CHCHD3: variants seen among roughly 807,000 people sequenced by gnomAD.
CHCHD3 encodes the protein MICOS complex subunit MIC19.
CHCHD3 carries 20 observed loss-of-function variants against 38.2 expected under a neutral mutation model. That is an observed-to-expected ratio of 0.52 (90% CI 0.37 to 0.76). CHCHD3 has a LOEUF of 0.76. Among genes scored for constraint, CHCHD3 ranks in the 30% least tolerant of loss-of-function variants. The probability of loss-of-function intolerance (pLI) is 0.00; values close to 1 mark genes in which losing one functional copy is unlikely to be tolerated. For missense variants in CHCHD3, 245 were observed against 279.2 expected (o/e 0.88, Z 0.87); for synonymous variants, 82 against 100.0 (o/e 0.82, Z 1.07).
At chr7:132,787,471 T>C (rs1462201441) in intron 7 of CHCHD3, among the ~76,000 whole-genome samples, 2 of 151,862 alleles carry the variant, frequency 1.3e-5, no homozygotes, top group Non-Finnish European at 1.5e-5. Context: ...AAGACAGTGA[T>C]GGGGCCACCA....
chr7:132,918,408 G>C (rs1198193292), intron 4 of CHCHD3, among the ~76,000 whole-genome samples: 4 of 152,180 alleles, frequency 2.6e-5, no homozygotes, highest in Non-Finnish European at 5.9e-5. Context: ...CCCTGGCACA[G>C]TGCGTGACAC....
chr7:132,868,664 A>C (rs1808690876), intron 5 of CHCHD3, among the ~76,000 whole-genome samples: 1 of 152,162 alleles, frequency 6.6e-6, no homozygotes, highest in South Asian at 2.1e-4. Context: ...TTCATTTCTA[A>C]AGAAAATTGA....
chr7:133,018,875 C>CCTTT (rs1813096955), intron 3 of CHCHD3, among the ~76,000 whole-genome samples: 1 of 70,150 alleles, frequency 1.4e-5, no homozygotes, highest in Admixed American at 2.4e-4. Context: ...CATGATTTCT[C>CCTTT]TTTTTTTTTT....
intron 4 of CHCHD3, among the ~76,000 whole-genome samples, chr7:132,968,454 T>C (rs1056927963): frequency 1.3e-5 from 2 of 152,198 alleles, no homozygotes; most frequent in African/African-American, 2.4e-5. Flanking sequence ...ATTTCAATAG[T>C]TGTCAAAAGC....
intron 4 of CHCHD3, among the ~76,000 whole-genome samples, chr7:132,943,796 A>T (rs1169384284): frequency 7.2e-5 from 11 of 152,148 alleles, no homozygotes; most frequent in Admixed American, 7.2e-4. Flanking sequence ...TGAGCAATTC[A>T]GGTTAGCCAC....
chr7:133,028,864 G>A (rs1192497921), intron 2 of CHCHD3, among the ~76,000 whole-genome samples: 3 of 147,590 alleles, frequency 2.0e-5, no homozygotes, highest in African/African-American at 5.0e-5. Flanking sequence ...CGGCCTGGGC[G>A]ACAGAGTAAG....
In CHCHD3 at chr7:133,024,537, A is replaced by C. The variant is rs1487663296; in HGVS notation, c.251+9T>G. ...CACCAAAACCTCTCTCTGATACCAC[A>C]AAACTCACCGTTTCTGATCTTCGGA... On this transcript the variant is annotated intron_variant, in intron 3 of 7. Transcript: ENST00000262570. 1 of 1,607,106 alleles carries C rather than the reference A, an allele frequency of 6.2e-7. No individual in the cohort carries two copies. The highest frequency in any genetic ancestry group is 8.5e-7 in the Non-Finnish European group (1 of 1,174,080).
chr7:132,890,429 C>A (rs925140159), intron 4 of CHCHD3, among the ~76,000 whole-genome samples: 17 of 152,160 alleles, frequency 1.1e-4, no homozygotes, highest in Non-Finnish European at 1.8e-4. Context: ...CACTTTTCGG[C>A]ATTACTACGC....
At chr7:132,969,471 A>G (rs1190595739) in intron 4 of CHCHD3, among the ~76,000 whole-genome samples, 1 of 152,182 alleles carries the variant, frequency 6.6e-6, no homozygotes, top group African/African-American at 2.4e-5. Flanking sequence ...ACCCTCCTCA[A>G]TGCTACACTG....
At chr7:133,073,397 C>T (rs1188482441) in intron 1 of CHCHD3, among the ~76,000 whole-genome samples, 3 of 152,146 alleles carry the variant, frequency 2.0e-5, no homozygotes, top group Non-Finnish European at 2.9e-5. Flanking sequence ...TGCATTCACT[C>T]GAGCTTAAGA....
chr7:132,925,660 C>T (rs1320008226), intron 4 of CHCHD3, among the ~76,000 whole-genome samples: 4 of 152,114 alleles, frequency 2.6e-5, no homozygotes, highest in Non-Finnish European at 4.4e-5. Context: ...CTTCAGCAAG[C>T]ACTCACCGCA....
chr7:132,915,329 G>A (rs1810076798), intron 4 of CHCHD3, among the ~76,000 whole-genome samples: 3 of 152,100 alleles, frequency 2.0e-5, no homozygotes, highest in African/African-American at 4.8e-5. Flanking sequence ...AGCCCAGTTA[G>A]GGGGCAGAAA....
intron 2 of CHCHD3, among the ~76,000 whole-genome samples, chr7:133,064,658 T>C (rs893461764): frequency 3.3e-5 from 5 of 152,358 alleles, no homozygotes; most frequent in African/African-American, 1.2e-4. Context: ...TTTCCTGCAA[T>C]TTGTTAAGGC....
chr7:132,806,410 C>G (rs1437892841), intron 6 of CHCHD3, among the ~76,000 whole-genome samples: 3 of 152,144 alleles, frequency 2.0e-5, no homozygotes, highest in Admixed American at 6.5e-5. Flanking sequence ...GACCAAGAGA[C>G]TGAGTCAGGC....
intron 5 of CHCHD3, 21 bp from the exon 6 acceptor site, chr7:132,838,490 C>T: frequency 6.4e-7 from 1 of 1,563,496 alleles, no homozygotes; most frequent in Non-Finnish European, 8.8e-7. Context: ...AGATTGATAG[C>T]AAAGGTTTCA....
At chr7:132,933,002 A>G (rs988801944) in intron 4 of CHCHD3, among the ~76,000 whole-genome samples, 2 of 152,202 alleles carry the variant, frequency 1.3e-5, no homozygotes, top group Admixed American at 1.3e-4. Flanking sequence ...CTGACACAAA[A>G]AGACCGCCCA....
intron 4 of CHCHD3, among the ~76,000 whole-genome samples, chr7:132,944,437 AG>A (rs1166956309): frequency 1.3e-5 from 2 of 151,868 alleles, no homozygotes; most frequent in African/African-American, 4.8e-5. Flanking sequence ...AAAAAAAAAA[AG>A]AAAACACCAC....
At chr7:133,006,202 A>C (rs1384255995) in intron 3 of CHCHD3, among the ~76,000 whole-genome samples, 2 of 152,178 alleles carry the variant, frequency 1.3e-5, no homozygotes, top group African/African-American at 4.8e-5. Flanking sequence ...GCAGTGGCTC[A>C]CGCCTGTAAT....
At chr7:132,943,028 A>G (rs1459947328) in intron 4 of CHCHD3, among the ~76,000 whole-genome samples, 1 of 152,210 alleles carries the variant, frequency 6.6e-6, no homozygotes, top group African/African-American at 2.4e-5. Context: ...ATAAAAAATA[A>G]GCATGAAAAG....
Sources: allele counts gnomAD v4.1 joint callset (sites outside exome capture counted in the v4.1 genomes callset), GRCh38; gene constraint gnomAD v4.1.1; transcripts MANE v1.5; gene names NCBI Gene and HGNC (gene_info 2026-07-23, HGNC 2026-07-21).